Variants in CDKL5 observed in about 807,000 individuals in gnomAD.
CDKL5 encodes the protein cyclin-dependent kinase-like 5.
A neutral mutation model predicts 61.7 loss-of-function variants in CDKL5; 8 were observed. That is an observed-to-expected ratio of 0.13 (90% CI 0.08 to 0.23). The LOEUF is 0.23. Ranked by LOEUF, CDKL5 falls within the 10% of genes least tolerant of loss-of-function variation. The probability of loss-of-function intolerance (pLI) is 1.00; values close to 1 mark genes in which losing one functional copy is unlikely to be tolerated. For missense variants in CDKL5, 440 were observed against 734.5 expected (o/e 0.60, Z 4.63); for synonymous variants, 275 against 272.3 (o/e 1.01, Z -0.10).
At chrX:18,517,102 C>T (rs182307255) in intron 3 of CDKL5, among the ~76,000 whole-genome samples, 38 of 112,040 alleles carry the variant, frequency 3.4e-4, no homozygotes, top group African/African-American at 1.1e-3. Context: ...TTATCCTCAT[C>T]ATCCGAATCT....
intron 1 of CDKL5, among the ~76,000 whole-genome samples, chrX:18,504,946 A>G (rs1922524398): frequency 9.1e-6 from 1 of 110,367 alleles, no homozygotes; most frequent in African/African-American, 3.3e-5. Context: ...AAAAAAAAAA[A>G]AAAGAAAGTT....
rs1378042719 is a variant in CDKL5, at chrX:18,639,635, T to G, written c.*10878T>G. On this transcript the variant is annotated 3_prime_UTR_variant, in exon 18 of 18. Transcript: ENST00000623535. The stretch of plus-strand genomic sequence containing the variant: ...AGAGTGACTGTGTGTCCCAGCAGTT[T>G]TACTCCTAAGTATATACCCAAGATA... 8.9e-6 allele frequency among the ~76,000 whole-genome samples: 1 copy of G among 112,125 alleles called. No homozygotes were observed. Among genetic ancestry groups the G allele is most frequent in the Non-Finnish European group, 1.9e-5 (1 of 53,241 alleles).
At chrX:18,579,164 C>T (rs1292563043) in intron 5 of CDKL5, among the ~76,000 whole-genome samples, 1 of 111,635 alleles carries the variant, frequency 9.0e-6, no homozygotes, top group African/African-American at 3.3e-5. Context: ...GGGCCTTGTA[C>T]TTTACAGTGA....
intron 8 of CDKL5, among the ~76,000 whole-genome samples, chrX:18,587,231 C>T (rs1021857609): frequency 9.0e-6 from 1 of 110,889 alleles, no homozygotes; most frequent in Non-Finnish European, 1.9e-5. Context: ...TTTGAGGATA[C>T]CTAGATTTTC....
chrX:18,579,688 T>C (rs993994620), intron 5 of CDKL5, among the ~76,000 whole-genome samples, 160 bp from the exon 6 acceptor site: 1 of 111,269 alleles, frequency 9.0e-6, no homozygotes, highest in Non-Finnish European at 1.9e-5. Context: ...GCCCCAATTT[T>C]AATGCTGATT....
At chrX:18,443,953 G>A (rs185779013) in intron 1 of CDKL5, 4 of 111,511 alleles carry the variant, frequency 3.6e-5, no homozygotes, top group South Asian at 3.7e-4. Flanking sequence ...TTGTAATTTC[G>A]TTGTAGGTAA....
chrX:18,647,206 T>A, intron 20 of CDKL5: 1 of 1,211,238 alleles, frequency 8.3e-7, no homozygotes, highest in Non-Finnish European at 1.1e-6. Context: ...GCCTTGACTG[T>A]TGAGCCGGGC....
At chrX:18,498,017 A>G (rs1922245033) in intron 1 of CDKL5, among the ~76,000 whole-genome samples, 1 of 108,646 alleles carries the variant, frequency 9.2e-6, no homozygotes, top group South Asian at 4.0e-4. Context: ...TGTTGTAGAG[A>G]CAAGGTCTCA....
At chrX:18,619,688 A>G (rs1010197858) in intron 15 of CDKL5, among the ~76,000 whole-genome samples, 179 bp from the exon 16 acceptor site, 5 of 111,705 alleles carry the variant, frequency 4.5e-5, no homozygotes, top group Non-Finnish European at 9.4e-5. Flanking sequence ...ATAATCACTA[A>G]CCATGGTTGA....
intron 3 of CDKL5, among the ~76,000 whole-genome samples, chrX:18,545,647 A>T (rs900899918): frequency 8.9e-6 from 1 of 112,558 alleles, no homozygotes; most frequent in Non-Finnish European, 1.9e-5. Flanking sequence ...TGCATATTCT[A>T]TGTACTTGGT....
chrX:18,447,899 A>G (rs766706915), intron 1 of CDKL5, among the ~76,000 whole-genome samples: 1 of 109,201 alleles, frequency 9.2e-6, no homozygotes, highest in Non-Finnish European at 1.9e-5. Context: ...CTGGAGTGCA[A>G]TGGCATGATC....
At chrX:18,648,365 C>T (rs761622596) in intron 20 of CDKL5, among the ~76,000 whole-genome samples, 2 of 110,833 alleles carry the variant, frequency 1.8e-5, no homozygotes, top group South Asian at 7.9e-4. Flanking sequence ...CCTCAGCCTT[C>T]TGAGTAGCTG....
chrX:18,592,061 G>A (rs367984087), intron 9 of CDKL5, among the ~76,000 whole-genome samples: 58 of 112,166 alleles, frequency 5.2e-4, no homozygotes, highest in African/African-American at 1.7e-3. Context: ...AACATTAACT[G>A]CTGGAACATT....
intron 1 of CDKL5, among the ~76,000 whole-genome samples, chrX:18,493,561 A>AT (rs1261658334): frequency 8.9e-6 from 1 of 112,558 alleles, no homozygotes; most frequent in African/African-American, 3.2e-5. Context: ...CATTTCAAAC[A>AT]TGAAATTTAT....
chrX:18,544,508 G>A (rs1343575345), intron 3 of CDKL5, among the ~76,000 whole-genome samples: 1 of 111,605 alleles, frequency 9.0e-6, no homozygotes, highest in African/African-American at 3.3e-5. Context: ...ATTTTCTCCG[G>A]AGGAAATTGA....
chrX:18,594,486 A>G (rs138102267), intron 9 of CDKL5, among the ~76,000 whole-genome samples: 93 of 112,576 alleles, frequency 8.3e-4, no homozygotes, highest in African/African-American at 3.0e-3. Context: ...AAAAGCGATG[A>G]CAGAATGTGT....
intron 1 of CDKL5, chrX:18,426,420 C>T (rs2060859339): frequency 1.8e-5 from 2 of 112,679 alleles, no homozygotes; most frequent in Non-Finnish European, 1.9e-5. Flanking sequence ...TGCATTGACA[C>T]GTTTTGTGCC....
intron 10 of CDKL5, among the ~76,000 whole-genome samples, chrX:18,597,461 A>G (rs919367688): frequency 9.1e-6 from 1 of 110,236 alleles, no homozygotes; most frequent in African/African-American, 3.3e-5. Flanking sequence ...TATTGGCTCT[A>G]TTTTAGTCTT....
At chrX:18,428,180 C>G (rs1196552283) in intron 1 of CDKL5, among the ~76,000 whole-genome samples, 1 of 112,041 alleles carries the variant, frequency 8.9e-6, no homozygotes, top group Non-Finnish European at 1.9e-5. Context: ...CTTTAAGTAT[C>G]ACCCCTAGCC....
Sources: gnomAD v4.1 joint callset for allele counts (sites outside exome capture counted in the v4.1 genomes callset) on GRCh38, gnomAD v4.1.1 for gene constraint, MANE v1.5 for transcripts, NCBI Gene and HGNC (gene_info 2026-07-23, HGNC 2026-07-21) for gene names.